The following FAM227B variants were observed in gnomAD, a reference collection of about 807,000 sequenced individuals.
FAM227B encodes the protein family with sequence similarity 227 member B.
A neutral mutation model predicts 73.8 loss-of-function variants in FAM227B; 88 were observed. That is an observed-to-expected ratio of 1.19 (90% confidence interval 1.00 to 1.42). FAM227B has a LOEUF of 1.42. Among genes scored for constraint, FAM227B ranks in the 40% most tolerant of loss-of-function variants. The probability of loss-of-function intolerance (pLI) is 0.00; values close to 1 mark genes in which losing one functional copy is unlikely to be tolerated. For synonymous variants in FAM227B, 210 were observed against 190.5 expected, an observed-to-expected ratio of 1.10 and a Z score of -0.84; for missense variants, 632 against 590.9, an observed-to-expected ratio of 1.07 and a Z score of -0.72.
At chr15:49,384,778 G>A (rs944380438) in intron 11 of FAM227B, among the ~76,000 whole-genome samples, 2 of 151,906 alleles carry the variant, frequency 1.3e-5, no homozygotes, top group African/African-American at 4.8e-5. Flanking sequence ...ATGTACTAAA[G>A]TATTAATAAT....
At chr15:49,499,165 CAAAAAAAAAA>C (rs11355557) in intron 11 of FAM227B, among the ~76,000 whole-genome samples, 1 of 53,010 alleles carries the variant, frequency 1.9e-5, no homozygotes, top group Non-Finnish European at 3.3e-5. Flanking sequence ...GACTCCGTCT[CAAAAAAAAAA>C]AAAAAAAAAA....
At chr15:49,459,843 A>G (rs1009545739) in intron 11 of FAM227B, among the ~76,000 whole-genome samples, 11 of 151,978 alleles carry the variant, frequency 7.2e-5, no homozygotes, top group Admixed American at 4.6e-4. Context: ...TCCCAATACC[A>G]TGTTGGTATC....
intron 11 of FAM227B, chr15:49,396,164 C>A (rs577174313): frequency 2.8e-6 from 1 of 352,748 alleles, no homozygotes. Context: ...CGAAGCAGGG[C>A]GAGGCATTGC....
chr15:49,427,065 T>C (rs189913241), intron 11 of FAM227B, among the ~76,000 whole-genome samples: 3 of 152,006 alleles, frequency 2.0e-5, no homozygotes, highest in East Asian at 1.9e-4. Flanking sequence ...GAAGAATATA[T>C]GGAGAATAAC....
chr15:49,378,757 T>G (rs975217418), intron 11 of FAM227B, among the ~76,000 whole-genome samples: 1 of 152,188 alleles, frequency 6.6e-6, no homozygotes. Flanking sequence ...TAACAATCAT[T>G]TGACTTCTTC....
rs1394380046 is a variant in FAM227B at position 49,541,697 on chromosome 15, A to G, written c.857T>C (p.Ile286Thr). The G allele has an allele frequency of 4.0e-6, 6 of 1,508,090 alleles. No homozygotes were observed. The highest frequency in any genetic ancestry group is 5.3e-6 in the Non-Finnish European group (6 of 1,131,548). The allele number at this position is 1,508,090 out of a possible 1,614,324, so 93.4% of individuals were successfully genotyped here. ...DEFKEDLGNN[I>T]FLWCSGLKPQ... ...ATTCATACCTGAACACCAAAGAAAA[A>G]TGTTATTCCCTAGATCTTCTTTAAA... Residue 286 changes from isoleucine (I) to threonine (T), a missense_variant, in exon 10 of 16, where the codon ATT (isoleucine) becomes ACT (threonine). Transcript: ENST00000299338.
intron 11 of FAM227B, among the ~76,000 whole-genome samples, chr15:49,480,675 G>T (rs1567362065): frequency 5.3e-5 from 8 of 152,072 alleles, no homozygotes. Flanking sequence ...TAGAAACGGG[G>T]TTTCGCCATG....
chr15:49,439,894 T>C (rs2051474406), intron 11 of FAM227B, among the ~76,000 whole-genome samples: 1 of 151,568 alleles, frequency 6.6e-6, no homozygotes, highest in African/African-American at 2.4e-5. Context: ...GATCATAGAG[T>C]CCAGAGATTT....
At chr15:49,508,400 C>T (rs770420266) in intron 10 of FAM227B, 52 bp from the exon 11 acceptor site, 6 of 1,437,972 alleles carry the variant, frequency 4.2e-6, no homozygotes, top group East Asian at 4.8e-5. Flanking sequence ...TTTGAAAATA[C>T]CTTTTAATTT....
chr15:49,360,282 G>C (rs1220333196), intron 13 of FAM227B, among the ~76,000 whole-genome samples: 1 of 151,700 alleles, frequency 6.6e-6, no homozygotes, highest in Non-Finnish European at 1.5e-5. Flanking sequence ...GATAGTGGGA[G>C]CATGTGTTTA....
intron 11 of FAM227B, among the ~76,000 whole-genome samples, chr15:49,451,275 T>C (rs1047822467): frequency 2.0e-5 from 3 of 152,078 alleles, no homozygotes; most frequent in Non-Finnish European, 4.4e-5. Context: ...TTGCATATCA[T>C]AGAGGCTAAG....
chr15:49,569,507 C>T lies in FAM227B; in HGVS notation c.646-1161G>A, dbSNP rs193007202. Among the ~76,000 whole-genome samples the T allele has an allele frequency of 3.3e-4, 50 of 151,802 alleles. No homozygotes were observed. The East Asian group carries it at 5.2e-3, about 16-fold the overall frequency. On this transcript the variant is annotated intron_variant, in intron 8 of 15. Transcript: ENST00000299338. ...ATTTTTAATGTTTTATTATTTTGAA[C>T]GTATAAATCATAATTGTGTTTATTT...
chr15:49,363,209 T>C (rs1189140170), intron 13 of FAM227B, among the ~76,000 whole-genome samples: 1 of 152,248 alleles, frequency 6.6e-6, no homozygotes, highest in Non-Finnish European at 1.5e-5. Context: ...TAAATTGCTT[T>C]GGGCAGTATG....
chr15:49,565,775 T>G (rs1219890119), intron 9 of FAM227B, among the ~76,000 whole-genome samples: 1 of 152,166 alleles, frequency 6.6e-6, no homozygotes, highest in African/African-American at 2.4e-5. Context: ...CTTAACTTAA[T>G]CCCCACTTAA....
chr15:49,618,593 C>T (rs2078448104), intron 1 of FAM227B, among the ~76,000 whole-genome samples: 1 of 152,102 alleles, frequency 6.6e-6, no homozygotes, highest in African/African-American at 2.4e-5. Flanking sequence ...TTAGCCAAAG[C>T]CTATGATATC....
At chr15:49,335,555 T>A in intron 13 of FAM227B, 59 bp from the exon 14 acceptor site, 1 of 1,298,110 alleles carries the variant, frequency 7.7e-7, no homozygotes, top group East Asian at 2.3e-5. Flanking sequence ...AAGTAAACAG[T>A]ACCCTTCACA....
At chr15:49,489,860 T>TTTTA (rs2056865291) in intron 11 of FAM227B, among the ~76,000 whole-genome samples, 2 of 6,796 alleles carry the variant, frequency 2.9e-4, no homozygotes, top group African/African-American at 6.6e-4. Flanking sequence ...TATATATATT[T>TTTTA]TATATATATA....
intron 9 of FAM227B, among the ~76,000 whole-genome samples, chr15:49,557,532 T>A (rs2073832369): frequency 1.3e-5 from 2 of 152,072 alleles, no homozygotes; most frequent in South Asian, 4.1e-4. Context: ...AACAAAGTGG[T>A]GAGTAAATAC....
intron 10 of FAM227B, among the ~76,000 whole-genome samples, chr15:49,525,568 T>G (rs2152198386): frequency 6.6e-6 from 1 of 150,648 alleles, no homozygotes; most frequent in African/African-American, 2.4e-5. Flanking sequence ...AACACTAAAG[T>G]AATTTGTCAC....
Sources: allele counts gnomAD v4.1 joint callset (sites outside exome capture counted in the v4.1 genomes callset), GRCh38; gene constraint gnomAD v4.1.1; transcripts MANE v1.5; gene names NCBI Gene and HGNC (gene_info 2026-07-23, HGNC 2026-07-21).